The following MMP17 variants were observed in gnomAD, a reference collection of about 807,000 sequenced individuals.
MMP17 encodes matrix metallopeptidase 17, also known as matrix metalloproteinase-17.
MMP17 carries 54 observed loss-of-function variants against 49.1 expected under a neutral mutation model. The ratio of observed to expected loss-of-function variants is 1.10; its 90% CI spans 0.88 to 1.38. The LOEUF is 1.38. MMP17 is among the 40% of genes most tolerant of loss of function. The pLI is 0.00. For synonymous variants in MMP17, 397 were observed against 383.1 expected, an observed-to-expected ratio of 1.04 and a Z score of -0.42; for missense variants, 837 against 853.7, an observed-to-expected ratio of 0.98 and a Z score of 0.24.
Position 131,828,441 on chromosome 12 carries a change from G to A in MMP17, c.-54G>A. On this transcript the variant is annotated 5_prime_UTR_variant, in exon 1 of 10. Transcript: ENST00000360564. ...AGCGGAGGGCGCCGGGCTGCGGAAC[G>A]CGAAGCGGAGGGCGCGGGACCCTGC... 2 of 967,074 alleles carry A rather than the reference G, an allele frequency of 2.1e-6. No individual in the cohort carries two copies. The highest frequency in any genetic ancestry group is 2.5e-6 in the Non-Finnish European group (2 of 813,066). 59.9% of individuals were successfully genotyped at this position (967,074 alleles called of 1,614,324 possible). A position where few individuals can be genotyped will look rare whatever the true frequency, so the allele number is the denominator to read the frequency against.
At chr12:131,836,110 G>A (rs535475217) in intron 1 of MMP17, among the ~76,000 whole-genome samples, 6 of 152,306 alleles carry the variant, frequency 3.9e-5, no homozygotes, top group Admixed American at 1.3e-4. Context: ...CTTTGGAGGG[G>A]CCCCCAGTTC....
At chr12:131,830,092 A>T (rs1225016299) in intron 1 of MMP17, among the ~76,000 whole-genome samples, 2 of 152,198 alleles carry the variant, frequency 1.3e-5, no homozygotes, top group African/African-American at 4.8e-5. Flanking sequence ...GTGCCGCAGA[A>T]GGGGCCGGGG....
chr12:131,844,189 G>A (rs1257451762), intron 6 of MMP17, 108 bp downstream of exon 6: 1 of 905,224 alleles, frequency 1.1e-6, no homozygotes, highest in South Asian at 1.5e-5. Context: ...GAAACGCACA[G>A]CTGTGTGGCC....
intron 5 of MMP17, among the ~76,000 whole-genome samples, chr12:131,842,342 TCCACACCGCCCA>T (rs1887457350): frequency 6.6e-6 from 1 of 152,032 alleles, no homozygotes; most frequent in South Asian, 2.1e-4. Flanking sequence ...CCAGCTGCCC[TCCACACCGCCCA>T]CCACACCCTG....
chr12:131,845,996 G>A (rs1053936614), intron 8 of MMP17, among the ~76,000 whole-genome samples: 7 of 152,234 alleles, frequency 4.6e-5, no homozygotes, highest in African/African-American at 7.2e-5. Flanking sequence ...GGTGCCCACC[G>A]TTCCAGGAAC....
intron 9 of MMP17, among the ~76,000 whole-genome samples, 182 bp from the exon 10 acceptor site, chr12:131,850,743 C>A (rs1887930422): frequency 6.6e-6 from 1 of 151,608 alleles, no homozygotes; most frequent in African/African-American, 2.4e-5. Flanking sequence ...CACGAGCCGC[C>A]CCCCACCAGC....
intron 4 of MMP17, among the ~76,000 whole-genome samples, chr12:131,841,277 C>T (rs1887393036): frequency 6.6e-6 from 1 of 152,234 alleles, no homozygotes; most frequent in Non-Finnish European, 1.5e-5. Context: ...CTTGTGGGGC[C>T]AGGGGTCAGT....
rs573246417 is a variant in MMP17, at chr12:131,846,444, T to A, written c.1204+995T>A. 6.6e-6 allele frequency among the ~76,000 whole-genome samples: 1 copy of A among 152,306 alleles called. No homozygotes were observed. Among genetic ancestry groups the A allele is most frequent in the East Asian group, 1.9e-4 (1 of 5,180 alleles). ...CAGGCTGGAATGCAATGGTGTGATC[T>A]CAGCTCACTGCAACCTTCACCTCCC... On this transcript the variant is annotated intron_variant, in intron 8 of 9. Transcript: ENST00000360564. This position sits in a 1 kb window ranked among gnomAD's most constrained non-coding sequence, Gnocchi z 4.6.
rs967794254 is a variant in MMP17 at position 131,828,424 on chromosome 12, G to C, written c.-71G>C. 8 of 880,860 alleles carry C rather than the reference G, an allele frequency of 9.1e-6. No individual in the cohort carries two copies. Among genetic ancestry groups the C allele is most frequent in the Non-Finnish European group, 9.5e-6 (7 of 734,632 alleles). 54.6% of individuals were successfully genotyped at this position (880,860 alleles called of 1,614,324 possible). Reference sequence around the variant, plus strand: ...GCGGGGGCGCCGCGGAGAGCGGAGGGCGCCGGGCTGCGGAACGCGAAGCGG... The same window carrying C: ...GCGGGGGCGCCGCGGAGAGCGGAGGCCGCCGGGCTGCGGAACGCGAAGCGG... On this transcript the variant is annotated 5_prime_UTR_variant, in exon 1 of 10. Coordinates refer to ENST00000360564, the MANE Select transcript of MMP17 (RefSeq NM_016155.7).
intron 1 of MMP17, among the ~76,000 whole-genome samples, chr12:131,832,345 G>A (rs1434657193): frequency 5.5e-5 from 6 of 108,618 alleles, no homozygotes; most frequent in African/African-American, 2.1e-4. Context: ...GATCCGGGAG[G>A]GGGATGGGAA....
At chr12:131,829,278 G>T (rs374707889) in intron 1 of MMP17, among the ~76,000 whole-genome samples, 2 of 148,824 alleles carry the variant, frequency 1.3e-5, no homozygotes, top group Admixed American at 1.3e-4. Flanking sequence ...GTGCTGAGCC[G>T]GGGGCGCGGG....
chr12:131,828,693 G>A (rs375148526), intron 1 of MMP17, 40 bp downstream of exon 1: 1 of 240,822 alleles, frequency 4.2e-6, no homozygotes, highest in Non-Finnish European at 7.4e-6. Flanking sequence ...CTCCTGGGCC[G>A]GAGCCGGGGG....
chr12:131,845,344 C>A lies in MMP17; in HGVS notation c.1099C>A (p.Gln367Lys). 6.2e-7 allele frequency: 1 copy of A among 1,603,134 alleles called. No individual in the cohort carries two copies. Among genetic ancestry groups the A allele is most frequent in the Non-Finnish European group, 8.5e-7 (1 of 1,175,192 alleles). The change falls in exon 8 of 10, where the codon CAG (glutamine) becomes AAG (lysine). Residue 367 changes from glutamine (Q) to lysine (K), a missense_variant. Coordinates refer to ENST00000360564, the MANE Select transcript of MMP17 (RefSeq NM_016155.7). The part of the protein sequence containing the change: ...LTRDRHLVSL[Q>K]PAQMHRFWRG... Reference sequence around the variant, plus strand: ...GCGGGACCGGCACCTGGTGTCCCTGCAGCCGGCACAGATGCACCGCTTCTG... The same window carrying A: ...GCGGGACCGGCACCTGGTGTCCCTGAAGCCGGCACAGATGCACCGCTTCTG...
chr12:131,848,882 ACGTCT>A (rs1195769955), intron 8 of MMP17, among the ~76,000 whole-genome samples: 1 of 152,134 alleles, frequency 6.6e-6, no homozygotes, highest in Non-Finnish European at 1.5e-5. Context: ...GAGTGTGCAA[ACGTCT>A]CTCCAAGACC....
Position 131,828,489 on chromosome 12 carries a change from A to T in MMP17, c.-6A>T. ...TGCACGCCGCCCGCGGGCCCATGTG[A>T]GCGCCATGCGGCGCCGCGCAGCCCG... is the stretch of plus-strand genomic sequence containing the variant. On this transcript the variant is annotated 5_prime_UTR_variant, in exon 1 of 10. An upstream open reading frame in the 5' UTR loses its in-frame stop. Coordinates refer to ENST00000360564, the MANE Select transcript of MMP17 (RefSeq NM_016155.7). 1.0e-6 allele frequency: 1 copy of T among 992,102 alleles called. No individual in the cohort carries two copies. The highest frequency in any genetic ancestry group is 4.5e-5 in the South Asian group (1 of 22,186). The allele number at this position is 992,102 out of a possible 1,614,324, so 61.5% of individuals were successfully genotyped here. A position where few individuals can be genotyped will look rare whatever the true frequency, so the allele number is the denominator to read the frequency against.
In MMP17 at chr12:131,841,843, G is replaced by C. The variant is rs768368213; in HGVS notation, c.883+43G>C. 29 of 1,517,168 alleles carry C rather than the reference G, an allele frequency of 1.9e-5. No individual in the cohort carries two copies. The South Asian group carries it at 3.0e-4, about 15-fold the overall frequency. The allele number at this position is 1,517,168 out of a possible 1,614,324, so 94.0% of individuals were successfully genotyped here. On this transcript the variant is annotated intron_variant, in intron 5 of 9. Transcript: ENST00000360564. ...GCCAGACACAGGGCCCCTGGAAGAG[G>C]GGTCAGAAACCCCAGGCACCCCTGA...
chr12:131,841,784 C>A lies in MMP17; in HGVS notation c.867C>A (p.Arg289=). Residue 289 remains arginine (R), a synonymous_variant, in exon 5 of 10, where the codon CGC becomes CGA. Transcript: ENST00000360564. ...RYGLPYEDKV[R]VWQLYGVRES... is the part of the protein sequence containing the mutation. ...GGCTCCCCTACGAGGACAAGGTGCG[C>A]GTCTGGCAGCTGTACGGTGAGTGTC... 6.2e-7 allele frequency: 1 copy of A among 1,601,092 alleles called. No individual in the cohort carries two copies. Among genetic ancestry groups the A allele is most frequent in the Non-Finnish European group, 8.5e-7 (1 of 1,175,084 alleles).
intron 1 of MMP17, among the ~76,000 whole-genome samples, chr12:131,835,221 C>T (rs896665638): frequency 2.6e-5 from 4 of 152,262 alleles, no homozygotes; most frequent in Admixed American, 2.6e-4. Flanking sequence ...CCCACCACCC[C>T]CCAAGATTCG....
In MMP17 at chr12:131,850,319, C is replaced by T. The variant is rs1013443365; in HGVS notation, c.1462+260C>T. 2.0e-5 allele frequency among the ~76,000 whole-genome samples: 3 copies of T among 152,326 alleles called. No homozygotes were observed. The East Asian group carries it at 5.8e-4, about 29-fold the overall frequency. The stretch of plus-strand genomic sequence containing the variant: ...CCCCTGCTGCTCCCCCAGCCACGCT[C>T]CTGCCCCAGGGCCTTGGCACTGGCC... On this transcript the variant is annotated intron_variant, in intron 9 of 9. Transcript: ENST00000360564.
Sources: allele counts gnomAD v4.1 joint callset (sites outside exome capture counted in the v4.1 genomes callset), GRCh38; gene constraint gnomAD v4.1.1; non-coding constraint Gnocchi (gnomAD v3.1); transcripts MANE v1.5; gene names NCBI Gene and HGNC (gene_info 2026-07-23, HGNC 2026-07-21).